CTIF: variants seen among roughly 807,000 people sequenced by gnomAD.
The protein encoded by CTIF is CBP80/20-dependent translation initiation factor.
Under a neutral mutation model 66.0 loss-of-function variants are expected in CTIF, and 21 were observed. The observed-to-expected ratio is 0.32, with a 90% confidence interval of 0.23 to 0.46. The LOEUF is 0.46. Among genes scored for constraint, CTIF ranks in the 20% least tolerant of loss-of-function variants. The probability of loss-of-function intolerance (pLI) is 1.00; values close to 1 mark genes in which losing one functional copy is unlikely to be tolerated. For synonymous variants in CTIF, 345 were observed against 326.4 expected (o/e 1.06, Z -0.62); for missense variants, 739 against 812.7 (o/e 0.91, Z 1.10).
At chr18:48,610,987 G>A (rs60508122) in intron 1 of CTIF, among the ~76,000 whole-genome samples, 7,136 of 152,274 alleles carry the variant, frequency 0.047, 267 homozygotes, top group African/African-American at 0.1. Flanking sequence ...CAGAGCTTAG[G>A]AGTCACTAAG....
chr18:48,745,873 C>T (rs2092592076), intron 7 of CTIF, among the ~76,000 whole-genome samples: 1 of 152,224 alleles, frequency 6.6e-6, no homozygotes, highest in African/African-American at 2.4e-5. Context: ...CTCACCATGG[C>T]CCCATCAGTT....
rs190262885 is a variant in CTIF, at chr18:48,716,329, G to A, written c.584+4634G>A. Among the ~76,000 whole-genome samples, 3 of 152,312 alleles carry A rather than the reference G, an allele frequency of 2.0e-5. No individual in the cohort carries two copies. The East Asian group carries it at 5.8e-4, about 29-fold the overall frequency. On this transcript the variant is annotated intron_variant, in intron 7 of 11. Coordinates refer to ENST00000256413, the MANE Select transcript of CTIF (RefSeq NM_014772.3). ...GTCATCCACGTGTTAACAGGGAGGA[G>A]GCTTAGAGAAAGCAGCCATCCTGGG...
At chr18:48,604,470 G>A (rs1361149710) in intron 1 of CTIF, among the ~76,000 whole-genome samples, 9 of 151,948 alleles carry the variant, frequency 5.9e-5, no homozygotes, top group East Asian at 5.8e-4. Context: ...GAGCCCCTGC[G>A]CCCGGCGTTT....
intron 10 of CTIF, among the ~76,000 whole-genome samples, chr18:48,827,373 G>A (rs539486604): frequency 1.5e-3 from 226 of 152,298 alleles, no homozygotes; most frequent in African/African-American, 5.1e-3. Context: ...TCAGTGCCCG[G>A]AGGAGTGCAG....
At chr18:48,667,591 C>T (rs2091458462) in intron 5 of CTIF, among the ~76,000 whole-genome samples, 2 of 152,210 alleles carry the variant, frequency 1.3e-5, no homozygotes, top group African/African-American at 4.8e-5. Context: ...GATGAACTAA[C>T]TTCCTAGCAA....
At chr18:48,660,882 T>C (rs1286958149) in intron 3 of CTIF, among the ~76,000 whole-genome samples, 1 of 152,240 alleles carries the variant, frequency 6.6e-6, no homozygotes, top group Non-Finnish European at 1.5e-5. Context: ...GGCCATGACC[T>C]TCTCTACATA....
intron 6 of CTIF, among the ~76,000 whole-genome samples, chr18:48,674,319 A>C (rs2091590054): frequency 6.6e-6 from 1 of 152,224 alleles, no homozygotes; most frequent in African/African-American, 2.4e-5. Context: ...GTCCTCTCCC[A>C]GTACACCCCA....
chr18:48,769,140 C>T (rs1909862901), intron 9 of CTIF, among the ~76,000 whole-genome samples: 1 of 152,174 alleles, frequency 6.6e-6, no homozygotes, highest in Admixed American at 6.5e-5. Context: ...TCTCAGACCC[C>T]CTCCCTCATT....
At chr18:48,785,068 G>A (rs551565153) in intron 9 of CTIF, among the ~76,000 whole-genome samples, 5 of 152,338 alleles carry the variant, frequency 3.3e-5, no homozygotes, top group African/African-American at 4.8e-5. Flanking sequence ...GGAAAAAACA[G>A]GCACTAGGGT....
rs80157418 is a variant in CTIF at position 48,724,957 on chromosome 18, G to T, written c.584+13262G>T. On this transcript the variant is annotated intron_variant, in intron 7 of 11. Transcript: ENST00000256413. ...CAAGGGGAGGATTTGGTGGACAAAA[G>T]ATCTAATTTTAGGCTTATTACTTGT... is the stretch of plus-strand genomic sequence containing the variant. Among the ~76,000 whole-genome samples, 7 of 152,366 alleles carry T rather than the reference G, an allele frequency of 4.6e-5. No homozygotes were observed. The East Asian group carries it at 1.3e-3, about 29-fold the overall frequency.
intron 7 of CTIF, among the ~76,000 whole-genome samples, chr18:48,725,152 A>G (rs925858303): frequency 3.9e-5 from 6 of 152,222 alleles, no homozygotes; most frequent in Non-Finnish European, 8.8e-5. Flanking sequence ...CAGGGAGCAG[A>G]TGGCTCGGCC....
intron 10 of CTIF, among the ~76,000 whole-genome samples, chr18:48,820,915 C>T (rs2068470392): frequency 6.6e-6 from 1 of 152,232 alleles, no homozygotes; most frequent in Non-Finnish European, 1.5e-5. Context: ...TTCTGAGGTC[C>T]AAGCTTACTC....
chr18:48,609,938 T>A (rs562928761), intron 1 of CTIF, among the ~76,000 whole-genome samples: 44 of 152,186 alleles, frequency 2.9e-4, no homozygotes, highest in African/African-American at 9.9e-4. Flanking sequence ...CAGCATCCAT[T>A]GGCTTTAACA....
At chr18:48,839,601 A>G (rs1568260145) in intron 10 of CTIF, among the ~76,000 whole-genome samples, 1 of 152,218 alleles carries the variant, frequency 6.6e-6, no homozygotes, top group East Asian at 1.9e-4. Flanking sequence ...CCTGTATTGC[A>G]CAACATGACT....
intron 6 of CTIF, among the ~76,000 whole-genome samples, chr18:48,699,512 C>T (rs1412103803): frequency 3.9e-5 from 6 of 152,146 alleles, no homozygotes; most frequent in South Asian, 2.1e-4. Context: ...GTCCTGGACA[C>T]GGCCTGGGAG....
chr18:48,750,636 C>G (rs951817537), intron 7 of CTIF, among the ~76,000 whole-genome samples: 2 of 152,250 alleles, frequency 1.3e-5, no homozygotes, highest in Admixed American at 1.3e-4. Flanking sequence ...GTGGTTTTCC[C>G]GAGACGCAGT....
At position 48,619,712 on chromosome 18, in the gene CTIF, C is replaced by T. The variant is rs767129116; in HGVS notation, c.147C>T (p.Gly49=). The T allele has an allele frequency of 5.1e-5, 82 of 1,603,786 alleles. 1 individual carries two copies. The highest frequency in any genetic ancestry group is 2.7e-5 in the African/African-American group (2 of 74,744). ...GLLADKTEGD[G]ESERTQSHIS... ...TGGCTGACAAGACGGAGGGTGATGG[C>T]GAGAGCGAGAGGACCCAGTCCCACA... is the stretch of plus-strand genomic sequence containing the variant. The change falls in exon 2 of 12, where the codon GGC becomes GGT. Residue 49 remains glycine (G), a synonymous_variant. Coordinates refer to ENST00000256413, the MANE Select transcript of CTIF (RefSeq NM_014772.3).
intron 10 of CTIF, among the ~76,000 whole-genome samples, chr18:48,856,370 C>T (rs1470184317): frequency 6.6e-6 from 1 of 152,178 alleles, no homozygotes; most frequent in African/African-American, 2.4e-5. Flanking sequence ...AAAAGCTGAA[C>T]ATAGAGTTAC....
chr18:48,656,956 A>G (rs1782705164), intron 3 of CTIF, among the ~76,000 whole-genome samples: 1 of 152,232 alleles, frequency 6.6e-6, no homozygotes, highest in South Asian at 2.1e-4. Flanking sequence ...GTGCCCAGCC[A>G]CTGAGTCTGT....
Sources: gnomAD v4.1 joint callset for allele counts (sites outside exome capture counted in the v4.1 genomes callset) on GRCh38, gnomAD v4.1.1 for gene constraint, MANE v1.5 for transcripts, NCBI Gene and HGNC (gene_info 2026-07-23, HGNC 2026-07-21) for gene names.